GALNT17: variants seen among roughly 807,000 people sequenced by gnomAD.
The protein encoded by GALNT17 is UDP-GalNAc:polypeptide N-acetylgalactosaminyltransferase-like 3.
A neutral mutation model predicts 63.7 loss-of-function variants in GALNT17; 29 were observed. The ratio of observed to expected loss-of-function variants is 0.46; its 90% CI spans 0.34 to 0.62. GALNT17 has a LOEUF of 0.62. Among genes scored for constraint, GALNT17 ranks in the 20% least tolerant of loss-of-function variants. The pLI, the probability that GALNT17 is intolerant of heterozygous loss-of-function variation, is 0.01. For synonymous variants in GALNT17, 305 were observed against 318.3 expected, an observed-to-expected ratio of 0.96 and a Z score of 0.45; for missense variants, 603 against 799.6, an observed-to-expected ratio of 0.75 and a Z score of 2.97.
At chr7:71,615,468 C>CTTT (rs59981146) in intron 6 of GALNT17, among the ~76,000 whole-genome samples, 6 of 60,246 alleles carry the variant, frequency 1.0e-4, no homozygotes, top group South Asian at 1.0e-3. Flanking sequence ...GAGCAAAGCA[C>CTTT]TTTTTTTTTT....
chr7:71,358,934 C>T (rs999476790), intron 2 of GALNT17, among the ~76,000 whole-genome samples: 19 of 152,176 alleles, frequency 1.2e-4, no homozygotes, highest in East Asian at 5.8e-4. Context: ...CCACCACATC[C>T]GGCTACTTTT....
chr7:71,323,901 G>A (rs1043986798), intron 1 of GALNT17, among the ~76,000 whole-genome samples: 2 of 152,170 alleles, frequency 1.3e-5, no homozygotes, highest in Non-Finnish European at 2.9e-5. Flanking sequence ...GCAGTCAAGG[G>A]CACATAGACT....
chr7:71,377,084 T>TA (rs1563047253), intron 2 of GALNT17, among the ~76,000 whole-genome samples: 6 of 30,834 alleles, frequency 1.9e-4, no homozygotes, highest in African/African-American at 1.3e-3. Flanking sequence ...ATATTCCATC[T>TA]CAAAAAAAAA....
At chr7:71,662,318 T>TTATC (rs35082867) in intron 6 of GALNT17, among the ~76,000 whole-genome samples, 89,084 of 150,932 alleles carry the variant, frequency 0.59, 29,914 homozygotes, top group Non-Finnish European at 0.76. Context: ...ATCTCTCTGT[T>TTATC]TATCTATCTA....
chr7:71,501,941 A>G (rs1031300251), intron 5 of GALNT17, among the ~76,000 whole-genome samples: 1 of 151,920 alleles, frequency 6.6e-6, no homozygotes, highest in Non-Finnish European at 1.5e-5. Context: ...CCATTTCACT[A>G]GAGAAGCCCT....
At chr7:71,665,286 C>A in intron 6 of GALNT17, 125 bp from the exon 7 acceptor site, 1 of 1,032,272 alleles carries the variant, frequency 9.7e-7, no homozygotes, top group Non-Finnish European at 1.4e-6. Context: ...CTCTCATTGG[C>A]TTTATATATT....
At chr7:71,317,111 A>G (rs575530094) in intron 1 of GALNT17, among the ~76,000 whole-genome samples, 107 of 152,092 alleles carry the variant, frequency 7.0e-4, no homozygotes, top group Non-Finnish European at 1.4e-3. Context: ...ATGATGAGAG[A>G]CAGGGCCGTA....
chr7:71,394,073 G>A (rs1793097726), intron 3 of GALNT17, among the ~76,000 whole-genome samples: 1 of 152,112 alleles, frequency 6.6e-6, no homozygotes, highest in Non-Finnish European at 1.5e-5. Context: ...TTGAGTCTAG[G>A]TAATTTATAA....
chr7:71,356,741 G>A (rs973776704), intron 2 of GALNT17, among the ~76,000 whole-genome samples: 13 of 152,128 alleles, frequency 8.5e-5, no homozygotes, highest in African/African-American at 2.4e-4. Flanking sequence ...TCAATATAGC[G>A]TGTCAAATAT....
Position 71,276,244 on chromosome 7 carries a change from GT to G in GALNT17, c.239-59305del, listed in dbSNP as rs201106042. Among the ~76,000 whole-genome samples the G allele has an allele frequency of 1.4e-4, 22 of 152,244 alleles. 1 individual carries two copies. Among genetic ancestry groups the G allele is most frequent in the East Asian group, 1.2e-3 (6 of 5,166 alleles). The stretch of plus-strand genomic sequence containing the variant: ...AGGGCAGGTGGCTGCAGGGGTGGGG[GT>G]GGTCCATAAGAGTGAGTGTTCTGAG... On this transcript the variant is annotated intron_variant, in intron 1 of 10. Coordinates refer to ENST00000333538, the MANE Select transcript of GALNT17 (RefSeq NM_022479.3).
chr7:71,143,194 G>T (rs1787948956), intron 1 of GALNT17, among the ~76,000 whole-genome samples: 1 of 151,956 alleles, frequency 6.6e-6, no homozygotes, highest in African/African-American at 2.4e-5. Context: ...GGCCGAGGTG[G>T]GTGGATCCTT....
intron 1 of GALNT17, among the ~76,000 whole-genome samples, chr7:71,303,291 C>CTA (rs902347451): frequency 1.4e-3 from 214 of 152,214 alleles, no homozygotes; most frequent in Middle Eastern, 6.8e-3. Flanking sequence ...GGAGCAGAGA[C>CTA]TATAGGTGAA....
intron 6 of GALNT17, among the ~76,000 whole-genome samples, chr7:71,614,901 G>GAGGGAGGA: frequency 1.6e-5 from 2 of 126,362 alleles, no homozygotes; most frequent in Non-Finnish European, 3.3e-5. Context: ...GGGAGGGAGG[G>GAGGGAGGA]AGGGAGGAAG....
chr7:71,208,673 A>G (rs968218599), intron 1 of GALNT17, among the ~76,000 whole-genome samples: 9 of 151,788 alleles, frequency 5.9e-5, no homozygotes, highest in African/African-American at 1.9e-4. Context: ...GCTGGTCTTG[A>G]TCTCCTGGAC....
At chr7:71,613,546 A>G (rs1418048635) in intron 6 of GALNT17, among the ~76,000 whole-genome samples, 2 of 152,182 alleles carry the variant, frequency 1.3e-5, no homozygotes, top group African/African-American at 4.8e-5. Flanking sequence ...GGGAGGACCA[A>G]TGAGCATAGA....
intron 5 of GALNT17, among the ~76,000 whole-genome samples, chr7:71,443,640 A>T (rs572522957): frequency 6.6e-6 from 1 of 152,184 alleles, no homozygotes; most frequent in South Asian, 2.1e-4. Context: ...CCAGGAGCAG[A>T]TACTGATGCC....
rs1235844149 is a variant in GALNT17, at chr7:71,467,672, A to C, written c.962+46567A>C. Among the ~76,000 whole-genome samples the C allele has an allele frequency of 4.6e-5, 7 of 152,134 alleles. No individual in the cohort carries two copies. In the East Asian group the frequency reaches 1.4e-3, roughly 30 times the overall value. On this transcript the variant is annotated intron_variant, in intron 5 of 10. Coordinates refer to ENST00000333538, the MANE Select transcript of GALNT17 (RefSeq NM_022479.3). ...ATGGCAGGACTTTGGCTGCTGAGCT[A>C]CCAGCTTCGTCCCAGAAGGAAGGTT...
rs186804248 is a variant in GALNT17 at position 71,630,961 on chromosome 7, G to T, written c.1081-34450G>T. Reference sequence around the variant, plus strand: ...GTACTTCAATTCGTTTATTCATTCAGTTGTTCAATGAGCACTTACTGGGTA... The same window carrying T: ...GTACTTCAATTCGTTTATTCATTCATTTGTTCAATGAGCACTTACTGGGTA... On this transcript the variant is annotated intron_variant, in intron 6 of 10. Transcript: ENST00000333538. 2.0e-4 allele frequency among the ~76,000 whole-genome samples: 30 copies of T among 152,344 alleles called. No homozygotes were observed. The East Asian group carries it at 5.8e-3, about 29-fold the overall frequency.
intron 5 of GALNT17, among the ~76,000 whole-genome samples, chr7:71,571,067 T>C (rs551378670): frequency 2.4e-4 from 36 of 149,194 alleles, no homozygotes; most frequent in South Asian, 6.4e-4. Flanking sequence ...TTTGCTAGGC[T>C]GGAACCAGTA....
Sources: gnomAD v4.1 joint callset for allele counts (sites outside exome capture counted in the v4.1 genomes callset) on GRCh38, gnomAD v4.1.1 for gene constraint, MANE v1.5 for transcripts, NCBI Gene and HGNC (gene_info 2026-07-23, HGNC 2026-07-21) for gene names.